Variants in SARM1 observed in about 807,000 individuals in gnomAD.
SARM1 encodes the protein NAD(+) hydrolase SARM1.
Under a neutral mutation model 65.1 loss-of-function variants are expected in SARM1, and 60 were observed. That is an observed-to-expected ratio of 0.92 (90% CI 0.75 to 1.14). The LOEUF is 1.14. Among genes scored for constraint, SARM1 ranks in the 50% most tolerant of loss-of-function variants. The probability of loss-of-function intolerance (pLI) is 0.00; values close to 1 mark genes in which losing one functional copy is unlikely to be tolerated. For missense variants in SARM1, 913 were observed against 1,015.7 expected (o/e 0.90, Z 1.37); for synonymous variants, 417 against 465.4 (o/e 0.90, Z 1.34).
Position 28,403,662 on chromosome 17 carries a change from G to A in SARM1, c.*7376G>A, listed in dbSNP as rs1343991434. On this transcript the variant is annotated 3_prime_UTR_variant, in exon 9 of 9. Transcript: ENST00000585482. ...TTAAGAAATCTGTGATTATTGTATT[G>A]TTGACTATACACAGCACATTTTAGG... 1 of 151,888 alleles carries A rather than the reference G, an allele frequency of 6.6e-6. No homozygotes were observed. The highest frequency in any genetic ancestry group is 2.4e-5 in the African/African-American group (1 of 41,384). The allele number at this position is 151,888 out of a possible 1,614,324, so 9.4% of individuals were successfully genotyped here. A position where few individuals can be genotyped will look rare whatever the true frequency, so the allele number is the denominator to read the frequency against.
Position 28,396,307 on chromosome 17 carries a change from C to G in SARM1, c.*21C>G. ...CCTAACCAGTCCCCAGTTCCCCAGCCCTGCTGTGACTTCCATTTCCATCGT... is the reference window on the plus strand; with the variant it reads ...CCTAACCAGTCCCCAGTTCCCCAGCGCTGCTGTGACTTCCATTTCCATCGT... On this transcript the variant is annotated 3_prime_UTR_variant, in exon 9 of 9. Coordinates refer to ENST00000585482, the MANE Select transcript of SARM1 (RefSeq NM_015077.4). 6.2e-7 allele frequency: 1 copy of G among 1,613,076 alleles called. No individual in the cohort carries two copies. The highest frequency in any genetic ancestry group is 8.5e-7 in the Non-Finnish European group (1 of 1,179,324).
rs879947353 is a variant in SARM1 at position 28,399,897 on chromosome 17, C to CT, written c.*3623dup. The CT allele has an allele frequency of 0.039, 18,742 of 482,458 alleles. 1 individual carries two copies. Among genetic ancestry groups the CT allele is most frequent in the South Asian group, 0.051 (1,895 of 37,140 alleles). The allele number at this position is 482,458 out of a possible 1,614,324, so 29.9% of individuals were successfully genotyped here. Reference sequence around the variant, plus strand: ...CCAGGGACATGGCTCTGGAAAATAACTTTTTTTTTTTTAAGAGACAGGGTC... The same window carrying CT: ...CCAGGGACATGGCTCTGGAAAATAACTTTTTTTTTTTTTAAGAGACAGGGTC... On this transcript the variant is annotated 3_prime_UTR_variant, in exon 9 of 9. Transcript: ENST00000585482.
At position 28,372,559 on chromosome 17, in the gene SARM1, C is replaced by T; in HGVS notation, c.470+57C>T. On this transcript the variant is annotated intron_variant, in intron 1 of 8. Transcript: ENST00000585482. The surrounding 1 kb of genome is among the most constrained non-coding windows in gnomAD (Gnocchi z 5.2). Reference sequence around the variant, plus strand: ...CCGCGTGGTGTGGACAGTTAAGCGCCTGCGTTCCCGTGTGCCTTGCGCCGT... The same window carrying T: ...CCGCGTGGTGTGGACAGTTAAGCGCTTGCGTTCCCGTGTGCCTTGCGCCGT... 2 of 1,373,290 alleles carry T rather than the reference C, an allele frequency of 1.5e-6. No homozygotes were observed. The highest frequency in any genetic ancestry group is 1.9e-6 in the Non-Finnish European group (2 of 1,030,444). 85.1% of individuals were successfully genotyped at this position (1,373,290 alleles called of 1,614,324 possible).
chr17:28,396,077 CA>C, intron 8 of SARM1, 51 bp downstream of exon 8: 1 of 1,613,550 alleles, frequency 6.2e-7, no homozygotes, highest in Non-Finnish European at 8.5e-7. Flanking sequence ...ATCACCATGA[CA>C]GGCAGAGTGT....
At chr17:28,390,779 T>C (rs1031456260) in intron 7 of SARM1, among the ~76,000 whole-genome samples, 41 of 151,972 alleles carry the variant, frequency 2.7e-4, no homozygotes, top group Admixed American at 9.8e-4. Flanking sequence ...AGAATCTGGG[T>C]AAGTGGAATA....
Position 28,385,192 on chromosome 17 carries a change from A to C in SARM1, c.1547A>C (p.His516Pro). The change falls in exon 5 of 9, where the codon CAC (histidine) becomes CCC (proline). Residue 516 changes from histidine to proline, a missense_variant. Physicochemically the swap from His to Pro is moderately conservative, Grantham distance 77. Coordinates refer to ENST00000585482, the MANE Select transcript of SARM1 (RefSeq NM_015077.4). This position sits in a 1 kb window ranked among gnomAD's most constrained non-coding sequence, Gnocchi z 4.5. ...VSCGLDRSLL[H>P]RVSEQQLLED... ...TGCGGCCTGGACCGCTCCCTGCTGC[A>C]CCGCGTGTCTGAGCAGCAGCTGCTG... 3 of 1,607,856 alleles carry C rather than the reference A, an allele frequency of 1.9e-6. No individual in the cohort carries two copies. The highest frequency in any genetic ancestry group is 2.5e-6 in the Non-Finnish European group (3 of 1,178,426).
chr17:28,372,539 T>C lies in SARM1; in HGVS notation c.470+37T>C. The C allele has an allele frequency of 2.0e-6, 3 of 1,473,198 alleles. No individual in the cohort carries two copies. The highest frequency in any genetic ancestry group is 2.7e-6 in the Non-Finnish European group (3 of 1,109,768). 91.3% of individuals were successfully genotyped at this position (1,473,198 alleles called of 1,614,324 possible). ...AGGCCGGGGTTGGGAGAGCGCCGCG[T>C]GGTGTGGACAGTTAAGCGCCTGCGT... On this transcript the variant is annotated intron_variant, in intron 1 of 8. Transcript: ENST00000585482. The surrounding 1 kb of genome is among the most constrained non-coding windows in gnomAD (Gnocchi z 5.2).
Position 28,388,531 on chromosome 17 carries a change from G to A in SARM1, c.1915G>A (p.Val639Met), listed in dbSNP as rs1037697118. 2 of 1,613,058 alleles carry A rather than the reference G, an allele frequency of 1.2e-6. No homozygotes were observed. The highest frequency in any genetic ancestry group is 2.2e-5 in the East Asian group (1 of 44,876). The stretch of plus-strand genomic sequence containing the variant: ...GCAAGACCATGACTGCAAGGATTGG[G>A]TGCATAAGGTAGGTGCCTGCCTATG... ...CMQDHDCKDW[V>M]HKEIVTALSC... The change falls in exon 7 of 9, where the codon GTG (valine) becomes ATG (methionine). Residue 639 changes from valine to methionine, a missense_variant. Val to Met is a conservative substitution (Grantham distance 21, BLOSUM62 1). Around this residue, in one of 3 missense-constraint regions of SARM1, gnomAD observed 862 missense variants for 952.1 expected, o/e 0.91. Coordinates refer to ENST00000585482, the MANE Select transcript of SARM1 (RefSeq NM_015077.4).
At position 28,388,634 on chromosome 17, in the gene SARM1, A is replaced by C. The variant is rs2068065226; in HGVS notation, c.1923+95A>C. 6 of 1,327,964 alleles carry C rather than the reference A, an allele frequency of 4.5e-6. No individual in the cohort carries two copies. The South Asian group carries it at 6.7e-5, about 15-fold the overall frequency. The allele number at this position is 1,327,964 out of a possible 1,614,324, so 82.3% of individuals were successfully genotyped here. On this transcript the variant is annotated intron_variant, in intron 7 of 8. Coordinates refer to ENST00000585482, the MANE Select transcript of SARM1 (RefSeq NM_015077.4). The stretch of plus-strand genomic sequence containing the variant: ...TTCCTTCTTGTCTGCACATCCCGGC[A>C]CACTTAGCCCTGAAGCACCTCCTTG...
intron 1 of SARM1, among the ~76,000 whole-genome samples, chr17:28,379,637 G>A (rs1480912750): frequency 6.6e-6 from 1 of 152,142 alleles, no homozygotes; most frequent in Non-Finnish European, 1.5e-5. Flanking sequence ...GAAAATGACA[G>A]ATAAGGTTTC....
rs189993439 is a variant in SARM1 at position 28,379,186 on chromosome 17, G to A, written c.471-2017G>A. On this transcript the variant is annotated intron_variant, in intron 1 of 8. Transcript: ENST00000585482. Reference sequence around the variant, plus strand: ...TCTGCCAGTGAACATTTTATTCAAGGTATGTGTGTGGAGAGTGGTCAGGGA... The same window carrying A: ...TCTGCCAGTGAACATTTTATTCAAGATATGTGTGTGGAGAGTGGTCAGGGA... Among the ~76,000 whole-genome samples, 7 of 151,948 alleles carry A rather than the reference G, an allele frequency of 4.6e-5. No individual in the cohort carries two copies. In the East Asian group the frequency reaches 1.3e-3, roughly 29 times the overall value.
rs200386243 is a variant in SARM1 at position 28,399,724 on chromosome 17, C to T, written c.*3438C>T. 2.1e-5 allele frequency: 34 copies of T among 1,613,632 alleles called. No individual in the cohort carries two copies. In the Middle Eastern group the frequency reaches 6.6e-4, roughly 31 times the overall value. On this transcript the variant is annotated 3_prime_UTR_variant, in exon 9 of 9. Coordinates refer to ENST00000585482, the MANE Select transcript of SARM1 (RefSeq NM_015077.4). ...GCCTTTTCCAGCATCCTGTGAGAGA[C>T]CAGAGAGAGAGTTTGGATTTCATGT...
chr17:28,396,226 G>C lies in SARM1; in HGVS notation c.2115G>C (p.Arg705=), dbSNP rs376014977. The C allele has an allele frequency of 1.9e-6, 3 of 1,613,978 alleles. No individual in the cohort carries two copies. Among genetic ancestry groups the C allele is most frequent in the Non-Finnish European group, 2.5e-6 (3 of 1,179,872 alleles). ...GCTTCCTGCAGGGCCGCTCCTCCCG[G>C]GACTCATCTGCAGGCTCTGACACCA... is the stretch of plus-strand genomic sequence containing the variant. ...IIRFLQGRSS[R]DSSAGSDTSL... is the part of the protein sequence containing the mutation. Residue 705 remains arginine, a synonymous_variant, in exon 9 of 9, where the codon CGG becomes CGC. Coordinates refer to ENST00000585482, the MANE Select transcript of SARM1 (RefSeq NM_015077.4).
At chr17:28,381,070 C>A in intron 1 of SARM1, 133 bp from the exon 2 acceptor site, 1 of 1,046,560 alleles carries the variant, frequency 9.6e-7, no homozygotes, top group Non-Finnish European at 1.3e-6. Flanking sequence ...GGGTGGGGAG[C>A]AGGGAGGGGA....
In SARM1 at chr17:28,388,554, A is replaced by G. The variant is rs1555586457; in HGVS notation, c.1923+15A>G. The G allele has an allele frequency of 1.9e-6, 3 of 1,609,274 alleles. No individual in the cohort carries two copies. Among genetic ancestry groups the G allele is most frequent in the South Asian group, 1.1e-5 (1 of 90,952 alleles). The stretch of plus-strand genomic sequence containing the variant: ...GGGTGCATAAGGTAGGTGCCTGCCT[A>G]TGCTTCTGCGGTCCCAGCATTGGCC... On this transcript the variant is annotated intron_variant, in intron 7 of 8. Coordinates refer to ENST00000585482, the MANE Select transcript of SARM1 (RefSeq NM_015077.4).
At chr17:28,395,422 C>T (rs1302271049) in intron 7 of SARM1, 1 of 157,412 alleles carries the variant, frequency 6.4e-6, no homozygotes, top group African/African-American at 2.4e-5. Context: ...TTCAAAACCC[C>T]TTGTTTGGGG....
rs2068127946 is a variant in SARM1 at position 28,396,658 on chromosome 17, C to G, written c.*372C>G. ...CTTGAGGAGGATGACGGAAGGCAGC[C>G]TCAGACAGGAATTAAGGCAATGCCC... On this transcript the variant is annotated 3_prime_UTR_variant, in exon 9 of 9. Transcript: ENST00000585482. The G allele has an allele frequency of 8.7e-6, 2 of 230,116 alleles. No homozygotes were observed. Among genetic ancestry groups the G allele is most frequent in the Admixed American group, 5.2e-5 (1 of 19,350 alleles). 14.3% of individuals were successfully genotyped at this position (230,116 alleles called of 1,614,324 possible).
Position 28,400,612 on chromosome 17 carries a change from A to G in SARM1, c.*4326A>G, listed in dbSNP as rs890413466. ...ATGGGTTCAGGGCCCTGCATTACCC[A>G]ATCAGAACAGCCGGGATGAGCAGGA... On this transcript the variant is annotated 3_prime_UTR_variant, in exon 9 of 9. Coordinates refer to ENST00000585482, the MANE Select transcript of SARM1 (RefSeq NM_015077.4). 117 of 1,613,718 alleles carry G rather than the reference A, an allele frequency of 7.3e-5. No homozygotes were observed. The highest frequency in any genetic ancestry group is 9.7e-5 in the Non-Finnish European group (115 of 1,179,764).
In SARM1 at chr17:28,393,575, G is replaced by A. The variant is rs930015951; in HGVS notation, c.1924-2330G>A. 2.7e-5 allele frequency among the ~76,000 whole-genome samples: 4 copies of A among 150,762 alleles called. No homozygotes were observed. The East Asian group carries it at 7.8e-4, about 29-fold the overall frequency. ...CCTGCCCCCCGCCAAAAAAAAAAAA[G>A]AAAGAAAGAAAAGAGAAAACAGAGA... On this transcript the variant is annotated intron_variant, in intron 7 of 8. Transcript: ENST00000585482.
Sources: gnomAD v4.1 joint callset for allele counts (sites outside exome capture counted in the v4.1 genomes callset) on GRCh38, gnomAD v4.1.1 for gene constraint, gnomAD v4.1.1 regional missense constraint, Gnocchi (gnomAD v3.1) non-coding constraint, MANE v1.5 for transcripts, NCBI Gene and HGNC (gene_info 2026-07-23, HGNC 2026-07-21) for gene names.